The following YEATS2 variants were observed in gnomAD, a reference collection of about 807,000 sequenced individuals.
The protein encoded by YEATS2 is YEATS domain containing 2, also known as YEATS domain-containing protein 2.
In YEATS2, 77 loss-of-function variants were observed where a neutral mutation model predicts 163.2. The observed-to-expected ratio is 0.47, with a 90% CI of 0.39 to 0.57. The LOEUF (loss-of-function observed/expected upper bound fraction) is 0.57, where lower values mean the gene tolerates loss of function less well. Ranked by LOEUF, YEATS2 falls within the 20% of genes least tolerant of loss-of-function variation. The pLI is 0.00. For synonymous variants in YEATS2, 631 were observed against 645.1 expected (o/e 0.98, Z 0.33); for missense variants, 1,549 against 1,729.8 (o/e 0.90, Z 1.85).
chr3:183,748,092 A>C (rs1421992007), intron 9 of YEATS2, among the ~76,000 whole-genome samples: 1 of 151,764 alleles, frequency 6.6e-6, no homozygotes, highest in Non-Finnish European at 1.5e-5. Context: ...ACACTATTAT[A>C]AATAACTACC....
chr3:183,800,793 C>T (rs542113041), intron 24 of YEATS2, among the ~76,000 whole-genome samples: 1 of 152,266 alleles, frequency 6.6e-6, no homozygotes, highest in Admixed American at 6.5e-5. Context: ...GCCTTAGAAG[C>T]CTCAGGTGGG....
At chr3:183,715,963 A>G (rs1448859250) in intron 2 of YEATS2, among the ~76,000 whole-genome samples, 1 of 151,938 alleles carries the variant, frequency 6.6e-6, no homozygotes, top group African/African-American at 2.4e-5. Context: ...TTTTTTATTT[A>G]TTTATTTATT....
rs982970661 is a variant in YEATS2, at chr3:183,721,982, A to T, written c.383A>T (p.Gln128Leu). 1 of 1,614,082 alleles carries T rather than the reference A, an allele frequency of 6.2e-7. No individual in the cohort carries two copies. The highest frequency in any genetic ancestry group is 1.3e-5 in the African/African-American group (1 of 74,940). ...TCTAGGTCATCATCTCCTGCCAATCAGAGAGCAGAAACACCATCAGCCAAT... is the reference window on the plus strand; with the variant it reads ...TCTAGGTCATCATCTCCTGCCAATCTGAGAGCAGAAACACCATCAGCCAAT... ...SPSRSSSPAN[Q>L]RAETPSANHS... The change falls in exon 5 of 31, where the codon CAG becomes CTG. Residue 128 changes from glutamine (Q) to leucine (L), a missense_variant. Transcript: ENST00000305135.
chr3:183,722,515 T>A (rs954274733), intron 5 of YEATS2, among the ~76,000 whole-genome samples: 3 of 152,178 alleles, frequency 2.0e-5, no homozygotes, highest in African/African-American at 7.2e-5. Flanking sequence ...GGTCTCGATC[T>A]CCTGACCTCG....
At chr3:183,775,353 T>C (rs1286056855) in intron 17 of YEATS2, among the ~76,000 whole-genome samples, 1 of 152,212 alleles carries the variant, frequency 6.6e-6, no homozygotes, top group Non-Finnish European at 1.5e-5. Flanking sequence ...ATCCCAGCAC[T>C]TTGGAGGGCC....
intron 1 of YEATS2, among the ~76,000 whole-genome samples, chr3:183,704,829 A>G (rs1410764400): frequency 5.3e-5 from 8 of 152,026 alleles, no homozygotes; most frequent in Non-Finnish European, 1.0e-4. Flanking sequence ...GGGTTTTACC[A>G]CATTGGCCAG....
At position 183,797,641 on chromosome 3, in the gene YEATS2, G is replaced by A. The variant is rs371423373; in HGVS notation, c.3098-282G>A. On this transcript the variant is annotated intron_variant, in intron 21 of 30. Transcript: ENST00000305135. ...TTTGGGAGGCCGAGGCAAGAAAATC[G>A]CTTGAACCTGGGAGGCAGAGGTTGC... Among the ~76,000 whole-genome samples, 24 of 152,188 alleles carry A rather than the reference G, an allele frequency of 1.6e-4. 1 individual carries two copies. The highest frequency in any genetic ancestry group is 6.6e-4 in the Admixed American group (10 of 15,264).
intron 5 of YEATS2, 97 bp downstream of exon 5, chr3:183,722,233 C>G (rs1716575916): frequency 8.5e-7 from 1 of 1,176,996 alleles, no homozygotes; most frequent in Non-Finnish European, 1.1e-6. Flanking sequence ...TCACAGGAAT[C>G]TTAGGAAATA....
intron 6 of YEATS2, 120 bp downstream of exon 6, chr3:183,724,651 T>C: frequency 1.4e-6 from 1 of 721,560 alleles, no homozygotes; most frequent in South Asian, 2.4e-5. Context: ...AGCCCTTAGT[T>C]GTTTAAAAAG....
chr3:183,752,364 C>A (rs1720260430), intron 10 of YEATS2, 111 bp downstream of exon 10: 3 of 1,282,174 alleles, frequency 2.3e-6, no homozygotes, highest in Admixed American at 3.9e-5. Flanking sequence ...AGTGGACATG[C>A]TGCCTCTACT....
At position 183,773,759 on chromosome 3, in the gene YEATS2, C is replaced by A; in HGVS notation, c.2333C>A (p.Pro778His). ...PSGKGKLLLI[P>H]QGAILRATNN... The stretch of plus-strand genomic sequence containing the variant: ...GGAAAAGGAAAACTGCTGCTGATCC[C>A]TCAAGGAGCCATCCTGCGAGCTACG... Residue 778 changes from proline (P) to histidine (H), a missense_variant, in exon 17 of 31, where the codon CCT becomes CAT. Coordinates refer to ENST00000305135, the MANE Select transcript of YEATS2 (RefSeq NM_018023.5). 1 of 1,611,960 alleles carries A rather than the reference C, an allele frequency of 6.2e-7. No homozygotes were observed. Among genetic ancestry groups the A allele is most frequent in the Non-Finnish European group, 8.5e-7 (1 of 1,179,372 alleles).
chr3:183,719,473 A>G (rs1237290290), intron 4 of YEATS2, among the ~76,000 whole-genome samples: 1 of 152,128 alleles, frequency 6.6e-6, no homozygotes, highest in Non-Finnish European at 1.5e-5. Flanking sequence ...CCTAATTGTT[A>G]GCATTATGCT....
intron 14 of YEATS2, 130 bp downstream of exon 14, chr3:183,761,744 C>T (rs921026014): frequency 2.3e-6 from 2 of 851,448 alleles, no homozygotes; most frequent in African/African-American, 3.4e-5. Flanking sequence ...GACGTGCTTC[C>T]ATGTATTTAA....
At chr3:183,724,233 T>A (rs562778872) in intron 5 of YEATS2, among the ~76,000 whole-genome samples, 186 bp from the exon 6 acceptor site, 1 of 152,338 alleles carries the variant, frequency 6.6e-6, no homozygotes, top group East Asian at 1.9e-4. Flanking sequence ...ATATAAACTT[T>A]GTATAAATTA....
chr3:183,728,867 GTA>G lies in YEATS2; in HGVS notation c.812+18_812+19del. On this transcript the variant is annotated intron_variant, in intron 7 of 30. Coordinates refer to ENST00000305135, the MANE Select transcript of YEATS2 (RefSeq NM_018023.5). ...TGGAAGTTAGGTAAGCACGCTTGAG[GTA>G]TTTAACCTAAATTGAAATGCAGACT... The G allele has an allele frequency of 6.3e-7, 1 of 1,589,960 alleles. No individual in the cohort carries two copies. Among genetic ancestry groups the G allele is most frequent in the South Asian group, 1.2e-5 (1 of 86,450 alleles).
chr3:183,785,508 A>G (rs992285215), intron 19 of YEATS2, among the ~76,000 whole-genome samples: 1 of 151,152 alleles, frequency 6.6e-6, no homozygotes, highest in South Asian at 2.1e-4. Context: ...AAAAAAAAAA[A>G]ATCAACCAGA....
intron 1 of YEATS2, among the ~76,000 whole-genome samples, chr3:183,699,095 A>G (rs762261446): frequency 6.6e-6 from 1 of 152,164 alleles, no homozygotes; most frequent in Non-Finnish European, 1.5e-5. Flanking sequence ...TGCTCTTTGC[A>G]GTAGCTTGGA....
intron 1 of YEATS2, among the ~76,000 whole-genome samples, chr3:183,701,777 A>G (rs1408870339): frequency 2.6e-5 from 4 of 152,190 alleles, no homozygotes; most frequent in Admixed American, 2.6e-4. Flanking sequence ...TAAAACTTAA[A>G]AACAAAATAC....
chr3:183,797,519 C>T (rs1725265518), intron 21 of YEATS2, among the ~76,000 whole-genome samples: 1 of 149,840 alleles, frequency 6.7e-6, no homozygotes, highest in Non-Finnish European at 1.5e-5. Context: ...CGCTTTTCAA[C>T]CTGGGCAACA....
Sources: allele counts gnomAD v4.1 joint callset (sites outside exome capture counted in the v4.1 genomes callset), GRCh38; gene constraint gnomAD v4.1.1; transcripts MANE v1.5; gene names NCBI Gene and HGNC (gene_info 2026-07-23, HGNC 2026-07-21).